FUT8: variants seen among roughly 807,000 people sequenced by gnomAD.
FUT8 encodes fucosyltransferase 8, also known as alpha-(1,6)-fucosyltransferase.
FUT8 carries 29 observed loss-of-function variants against 71.3 expected under a neutral mutation model. That is an observed-to-expected ratio of 0.41 (90% CI 0.30 to 0.55). The LOEUF (loss-of-function observed/expected upper bound fraction) is 0.55, where lower values mean the gene tolerates loss of function less well. Among genes scored for constraint, FUT8 ranks in the 20% least tolerant of loss-of-function variants. The pLI, the probability that FUT8 is intolerant of heterozygous loss-of-function variation, is 0.34. For synonymous variants in FUT8, 254 were observed against 239.3 expected (o/e 1.06, Z -0.57); for missense variants, 544 against 702.1 (o/e 0.77, Z 2.55).
At chr14:65,427,025 AT>A (rs2065399652) in intron 1 of FUT8, among the ~76,000 whole-genome samples, 1 of 151,866 alleles carries the variant, frequency 6.6e-6, no homozygotes, top group South Asian at 2.1e-4. Flanking sequence ...TGCCCGGCTA[AT>A]TTTGTTTTTG....
intron 2 of FUT8, chr14:65,470,984 C>A: frequency 2.4e-6 from 1 of 411,132 alleles, no homozygotes. Context: ...ACTGTCCTTG[C>A]TTTTATCTGC....
intron 5 of FUT8, among the ~76,000 whole-genome samples, chr14:65,619,202 G>T (rs1215478806): frequency 1.3e-5 from 2 of 152,162 alleles, no homozygotes; most frequent in Non-Finnish European, 2.9e-5. Flanking sequence ...GGCAGCTAAA[G>T]TTGCTGGTTT....
intron 2 of FUT8, among the ~76,000 whole-genome samples, chr14:65,542,586 A>T (rs1034465006): frequency 1.3e-5 from 2 of 152,198 alleles, no homozygotes; most frequent in African/African-American, 4.8e-5. Flanking sequence ...ATGCAGTAGT[A>T]AAGATTAGCC....
At chr14:65,498,679 A>G (rs1468369275) in intron 2 of FUT8, among the ~76,000 whole-genome samples, 6 of 152,222 alleles carry the variant, frequency 3.9e-5, no homozygotes, top group East Asian at 1.9e-4. Flanking sequence ...TTAGAATTCA[A>G]TGAATTGTTA....
intron 10 of FUT8, 121 bp from the exon 11 acceptor site, chr14:65,741,972 C>T (rs1896525450): frequency 1.4e-6 from 1 of 703,738 alleles, no homozygotes. Flanking sequence ...AAGCTTGTGA[C>T]TAGAATCCAC....
intron 6 of FUT8, among the ~76,000 whole-genome samples, chr14:65,645,458 T>C (rs1566872202): frequency 6.6e-6 from 1 of 152,202 alleles, no homozygotes; most frequent in African/African-American, 2.4e-5. Flanking sequence ...ATAAAGAGAA[T>C]GGAAAATCTG....
At chr14:65,504,985 A>G (rs2066704752) in intron 2 of FUT8, among the ~76,000 whole-genome samples, 1 of 152,328 alleles carries the variant, frequency 6.6e-6, no homozygotes, top group East Asian at 1.9e-4. Context: ...ACACTGTATT[A>G]ATTATTGATG....
In FUT8 at chr14:65,592,702, C is replaced by G. The variant is rs562081373; in HGVS notation, c.204-23276C>G. On this transcript the variant is annotated intron_variant, in intron 3 of 10. Transcript: ENST00000673929. The stretch of plus-strand genomic sequence containing the variant: ...TTTCATGCATATTCAATCTCCTTTT[C>G]CCCTTTAAATAATCCCTATTGATCT... 7.8e-4 allele frequency among the ~76,000 whole-genome samples: 119 copies of G among 152,238 alleles called. No homozygotes were observed. In the South Asian group the frequency reaches 0.015, roughly 20 times the overall value.
chr14:65,597,506 C>T (rs1388115436), intron 3 of FUT8, among the ~76,000 whole-genome samples: 1 of 152,094 alleles, frequency 6.6e-6, no homozygotes, highest in South Asian at 2.1e-4. Context: ...ACCTGTAGTC[C>T]TAGCTACTCG....
chr14:65,677,853 A>G (rs1282566600), intron 7 of FUT8, among the ~76,000 whole-genome samples: 1 of 152,208 alleles, frequency 6.6e-6, no homozygotes, highest in Admixed American at 6.5e-5. Context: ...TAAGAGAGGT[A>G]TAAGGTCCTG....
intron 10 of FUT8, among the ~76,000 whole-genome samples, chr14:65,733,658 A>G (rs942330128): frequency 4.6e-5 from 7 of 152,222 alleles, no homozygotes; most frequent in Non-Finnish European, 7.3e-5. Flanking sequence ...GCTTGTTCAC[A>G]GCATTTAACA....
In FUT8 at chr14:65,743,901, G is replaced by A. The variant is rs1896617744; in HGVS notation, c.*1491G>A. 1 of 151,808 alleles carries A rather than the reference G, an allele frequency of 6.6e-6. No individual in the cohort carries two copies. Among genetic ancestry groups the A allele is most frequent in the Non-Finnish European group, 1.5e-5 (1 of 67,852 alleles). 9.4% of individuals were successfully genotyped at this position (151,808 alleles called of 1,614,324 possible). ...TCATCTCTGTAGGAGCGACTATCAG[G>A]CCTAGTGTGAAATATTAGGGATCCT... is the stretch of plus-strand genomic sequence containing the variant. On this transcript the variant is annotated 3_prime_UTR_variant, in exon 11 of 11. Coordinates refer to ENST00000673929, the MANE Select transcript of FUT8 (RefSeq NM_001371533.1).
intron 2 of FUT8, among the ~76,000 whole-genome samples, chr14:65,530,474 T>A (rs1321705518): frequency 6.6e-6 from 1 of 152,200 alleles, no homozygotes; most frequent in Non-Finnish European, 1.5e-5. Flanking sequence ...CCTAATACTT[T>A]TAAAATTGAG....
At chr14:65,479,674 T>C (rs527794211) in intron 2 of FUT8, 10 of 152,298 alleles carry the variant, frequency 6.6e-5, no homozygotes, top group Admixed American at 2.6e-4. Context: ...CCTTCTTTGC[T>C]TGTTTTTGAT....
At chr14:65,722,606 G>A (rs1261028630) in intron 8 of FUT8, among the ~76,000 whole-genome samples, 1 of 152,186 alleles carries the variant, frequency 6.6e-6, no homozygotes, top group East Asian at 1.9e-4. Context: ...TTCTTCTCAT[G>A]TAACTTTTGA....
chr14:65,616,671 T>C (rs1889300580), intron 5 of FUT8, among the ~76,000 whole-genome samples: 1 of 152,248 alleles, frequency 6.6e-6, no homozygotes, highest in Non-Finnish European at 1.5e-5. Context: ...TCTATAAATG[T>C]TCTTTATATA....
At chr14:65,729,914 T>C (rs866724206) in intron 9 of FUT8, among the ~76,000 whole-genome samples, 3 of 152,244 alleles carry the variant, frequency 2.0e-5, no homozygotes, top group Admixed American at 2.0e-4. Context: ...TTTCTCTTTG[T>C]AAATCCTTTT....
rs1885250665 is a variant in FUT8, at chr14:65,550,964, C to A, written c.-227-10373C>A. 6.6e-6 allele frequency among the ~76,000 whole-genome samples: 1 copy of A among 152,144 alleles called. No homozygotes were observed. The highest frequency in any genetic ancestry group is 2.4e-5 in the African/African-American group (1 of 41,448). ...TGCATTTTGTTTACATATTAAAATG[C>A]ATCTTAGCATAAATTTTTGCATGTG... On this transcript the variant is annotated intron_variant, in intron 2 of 10. Transcript: ENST00000673929. The surrounding 1 kb of genome is among the most constrained non-coding windows in gnomAD (Gnocchi z 4.5).
intron 2 of FUT8, among the ~76,000 whole-genome samples, chr14:65,559,447 G>A (rs1367364672): frequency 1.3e-5 from 2 of 152,108 alleles, no homozygotes. Context: ...TAGGTTATAT[G>A]TAAATACTAT....
Sources: allele counts gnomAD v4.1 joint callset (sites outside exome capture counted in the v4.1 genomes callset), GRCh38; gene constraint gnomAD v4.1.1; non-coding constraint Gnocchi (gnomAD v3.1); transcripts MANE v1.5; gene names NCBI Gene and HGNC (gene_info 2026-07-23, HGNC 2026-07-21).